ZPBP: variants seen among roughly 807,000 people sequenced by gnomAD.
ZPBP encodes the protein zona pellucida-binding protein 1.
In ZPBP, 26 loss-of-function variants were observed where a neutral mutation model predicts 44.8. The observed-to-expected ratio is 0.58, with a 90% confidence interval of 0.43 to 0.81. The LOEUF (loss-of-function observed/expected upper bound fraction) is 0.81, where lower values mean the gene tolerates loss of function less well. ZPBP is among the 30% of genes least tolerant of loss of function. The pLI is 0.00. For missense variants in ZPBP, 409 were observed against 434.0 expected (o/e 0.94, Z 0.51); for synonymous variants, 174 against 153.2 (o/e 1.14, Z -1.00).
intron 6 of ZPBP, among the ~76,000 whole-genome samples, chr7:50,016,603 G>A (rs982703183): frequency 4.6e-5 from 7 of 152,052 alleles, no homozygotes; most frequent in African/African-American, 1.4e-4. Context: ...TTATCACCTT[G>A]AGCCCACCAT....
chr7:50,071,769 C>A (rs940988739), intron 3 of ZPBP, among the ~76,000 whole-genome samples: 2 of 152,048 alleles, frequency 1.3e-5, no homozygotes, highest in Non-Finnish European at 2.9e-5. Flanking sequence ...ATACCCTGGG[C>A]CAGAAGGGAA....
At chr7:49,972,766 T>C (rs971105969) in intron 7 of ZPBP, among the ~76,000 whole-genome samples, 1 of 151,994 alleles carries the variant, frequency 6.6e-6, no homozygotes, top group African/African-American at 2.4e-5. Flanking sequence ...GTACCACAAA[T>C]AGAACAATCT....
chr7:49,924,569 C>T (rs764403686), intron 1 of ZPBP, among the ~76,000 whole-genome samples: 17 of 152,190 alleles, frequency 1.1e-4, no homozygotes, highest in African/African-American at 1.4e-4. Flanking sequence ...GTGGTACACA[C>T]CTGTGGTCCC....
At position 50,072,448 on chromosome 7, in the gene ZPBP, C is replaced by T. The variant is rs778115767; in HGVS notation, c.334+9326G>A. ...GACCTTGCAGCACTGAAGGGAAGGA[C>T]AAAGGCCTGGCTGGCTTTACTTCCT... On this transcript the variant is annotated intron_variant, in intron 3 of 7. Coordinates refer to ENST00000046087, the MANE Select transcript of ZPBP (RefSeq NM_007009.3). 2.0e-5 allele frequency among the ~76,000 whole-genome samples: 3 copies of T among 152,342 alleles called. No homozygotes were observed. In the East Asian group the frequency reaches 5.8e-4, roughly 29 times the overall value.
intron 3 of ZPBP, among the ~76,000 whole-genome samples, chr7:50,071,502 G>A (rs1304405909): frequency 1.3e-5 from 2 of 152,124 alleles, no homozygotes; most frequent in Admixed American, 6.5e-5. Flanking sequence ...TGAACTGAGG[G>A]GGCACACACC....
intron 7 of ZPBP, among the ~76,000 whole-genome samples, chr7:49,964,617 G>A (rs1321958113): frequency 6.6e-6 from 1 of 152,064 alleles, no homozygotes; most frequent in Non-Finnish European, 1.5e-5. Context: ...CACACTTACA[G>A]ACATGAAGCA....
chr7:49,945,760 A>G (rs1795078978), intron 7 of ZPBP, among the ~76,000 whole-genome samples: 1 of 151,974 alleles, frequency 6.6e-6, no homozygotes, highest in Admixed American at 6.6e-5. Flanking sequence ...TGTAGGCAAC[A>G]GATTGTTGGG....
intron 7 of ZPBP, among the ~76,000 whole-genome samples, chr7:49,982,751 A>T (rs1797086796): frequency 6.6e-6 from 1 of 151,988 alleles, no homozygotes; most frequent in South Asian, 2.1e-4. Flanking sequence ...ACTGAAAATT[A>T]ATTGGCCCAT....
chr7:49,843,063 T>C, the ZPBP span, among the ~76,000 whole-genome samples: 1 of 152,150 alleles, frequency 6.6e-6, no homozygotes, highest in Non-Finnish European at 1.5e-5. Flanking sequence ...CCCGAGTCGC[T>C]GCATTGCCCT....
chr7:50,050,128 C>A (rs1297778347), intron 4 of ZPBP, among the ~76,000 whole-genome samples: 1 of 151,730 alleles, frequency 6.6e-6, no homozygotes, highest in South Asian at 2.1e-4. Context: ...ATAGACATAC[C>A]ATGCTCATAA....
At chr7:50,038,066 A>G (rs899605080) in intron 4 of ZPBP, among the ~76,000 whole-genome samples, 1 of 152,048 alleles carries the variant, frequency 6.6e-6, no homozygotes, top group Admixed American at 6.6e-5. Flanking sequence ...CCTTACCCCA[A>G]TTCATGGTGT....
intron 4 of ZPBP, among the ~76,000 whole-genome samples, chr7:50,050,052 C>T (rs1800608186): frequency 6.6e-6 from 1 of 151,672 alleles, no homozygotes; most frequent in African/African-American, 2.4e-5. Flanking sequence ...CAAAATAACA[C>T]ACTTAGTATA....
chr7:49,842,684 AT>A, the ZPBP span, among the ~76,000 whole-genome samples: 1 of 152,214 alleles, frequency 6.6e-6, no homozygotes, highest in African/African-American at 2.4e-5. Context: ...AATATGGGAG[AT>A]AATGCAATAA....
chr7:49,949,129 T>C (rs953047830), intron 7 of ZPBP, among the ~76,000 whole-genome samples: 2 of 152,082 alleles, frequency 1.3e-5, no homozygotes, highest in African/African-American at 2.4e-5. Flanking sequence ...GGAAAAGCCA[T>C]GTAAGGACAA....
Position 49,984,709 on chromosome 7 carries a change from A to G in ZPBP, c.784-1190T>C, listed in dbSNP as rs376598751. On this transcript the variant is annotated intron_variant, in intron 6 of 7. Coordinates refer to ENST00000046087, the MANE Select transcript of ZPBP (RefSeq NM_007009.3). ...CCTTCTGCTGTGTGGCCTGTTTCCT[A>G]TCAGGCCATGGACTGGTACTGGTCC... Among the ~76,000 whole-genome samples, 10 of 152,290 alleles carry G rather than the reference A, an allele frequency of 6.6e-5. No homozygotes were observed. In the East Asian group the frequency reaches 1.7e-3, roughly 26 times the overall value.
chr7:49,964,671 C>T (rs73694399), intron 7 of ZPBP, among the ~76,000 whole-genome samples: 2,840 of 152,192 alleles, frequency 0.019, 103 homozygotes, highest in African/African-American at 0.065. Flanking sequence ...TGGATATTGA[C>T]AAGCTAACTT....
intron 6 of ZPBP, among the ~76,000 whole-genome samples, chr7:50,000,716 T>C (rs2128794370): frequency 6.6e-6 from 1 of 152,304 alleles, no homozygotes; most frequent in East Asian, 1.9e-4. Flanking sequence ...CATTATAGTA[T>C]TTTGTATGGA....
chr7:49,904,792 G>A lies in ZPBP; in HGVS notation n.412-3577C>T, dbSNP rs376444215. ...ACTCTGTCGCCCAGGTTGGAGTGCA[G>A]TGGCGCGATCTCGGCTCACTGCAAC... On this transcript the variant is annotated intron_variant and non_coding_transcript_variant, in intron 1 of 2. Coordinates refer to the ZPBP transcript ENST00000465922. Among the ~76,000 whole-genome samples the A allele has an allele frequency of 3.4e-5, 5 of 146,868 alleles. No individual in the cohort carries two copies. In the South Asian group the frequency reaches 6.4e-4, roughly 19 times the overall value.
intron 2 of ZPBP, among the ~76,000 whole-genome samples, chr7:49,865,441 C>T (rs560956970): frequency 2.0e-5 from 3 of 152,330 alleles, no homozygotes; most frequent in African/African-American, 7.2e-5. Flanking sequence ...AACGTAGTGG[C>T]TTCAAGTAAC....
Sources: gnomAD v4.1 joint callset for allele counts (sites outside exome capture counted in the v4.1 genomes callset) on GRCh38, gnomAD v4.1.1 for gene constraint, MANE v1.5 for transcripts, NCBI Gene and HGNC (gene_info 2026-07-23, HGNC 2026-07-21) for gene names.